RAPGEF5: variants seen among roughly 807,000 people sequenced by gnomAD.
RAPGEF5 encodes the protein M-Ras-regulated GEF.
A neutral mutation model predicts 125.2 loss-of-function variants in RAPGEF5; 65 were observed. The ratio of observed to expected loss-of-function variants is 0.52; its 90% CI spans 0.43 to 0.64. RAPGEF5 has a LOEUF of 0.64. RAPGEF5 is among the 30% of genes least tolerant of loss of function. The pLI is 0.00. For synonymous variants in RAPGEF5, 391 were observed against 385.9 expected, an observed-to-expected ratio of 1.01 and a Z score of -0.16; for missense variants, 958 against 1,048.1, an observed-to-expected ratio of 0.91 and a Z score of 1.19.
chr7:22,270,528 T>C (rs552157426), intron 6 of RAPGEF5, among the ~76,000 whole-genome samples: 11 of 152,232 alleles, frequency 7.2e-5, no homozygotes, highest in Non-Finnish European at 1.6e-4. Flanking sequence ...TTGAGAAATG[T>C]ACCAAATGTA....
rs6956900 is a variant in RAPGEF5 at position 22,145,275 on chromosome 7, T to C, written c.2008-53A>G. 6,294 of 1,511,280 alleles carry C rather than the reference T, an allele frequency of 4.2e-3. 220 individuals carry two copies. In the African/African-American group the frequency reaches 0.078, roughly 19 times the overall value. 93.6% of individuals were successfully genotyped at this position (1,511,280 alleles called of 1,614,324 possible). On this transcript the variant is annotated intron_variant, in intron 19 of 25. Transcript: ENST00000665637. ...TTTATTTATAGCAAAGTATGGTTGA[T>C]ACAAAACTCGGTCAAATTTTAAGAG...
At chr7:22,212,928 A>T (rs949146685) in intron 9 of RAPGEF5, among the ~76,000 whole-genome samples, 8 of 152,232 alleles carry the variant, frequency 5.3e-5, no homozygotes, top group African/African-American at 1.9e-4. Flanking sequence ...ACCATATTGC[A>T]GATGATATGG....
At position 22,166,944 on chromosome 7, in the gene RAPGEF5, ATTAATAT is replaced by A. The variant is rs1784186191; in HGVS notation, c.1283+119_1283+125del. On this transcript the variant is annotated intron_variant, in intron 12 of 25. Coordinates refer to ENST00000665637, the MANE Select transcript of RAPGEF5 (RefSeq NM_012294.5). ...CATCTTCTACCTTGGATATCATTAC[ATTAATAT>A]TTAACATATCCACATTCTACTATGG... 1.1e-5 allele frequency: 8 copies of A among 745,326 alleles called. No homozygotes were observed. The South Asian group carries it at 1.5e-4, about 14-fold the overall frequency. 46.2% of individuals were successfully genotyped at this position (745,326 alleles called of 1,614,324 possible).
chr7:22,199,207 G>A (rs1785219517), intron 9 of RAPGEF5, among the ~76,000 whole-genome samples: 1 of 152,236 alleles, frequency 6.6e-6, no homozygotes, highest in Admixed American at 6.5e-5. Context: ...TGAATGCAGT[G>A]GTATGACCAC....
intron 13 of RAPGEF5, 128 bp from the exon 14 acceptor site, chr7:22,160,743 G>C: frequency 9.0e-7 from 1 of 1,108,150 alleles, no homozygotes; most frequent in African/African-American, 1.6e-5. Flanking sequence ...GTTTCACCAG[G>C]TGCCAATGAG....
chr7:22,213,048 G>A (rs1037377630), intron 9 of RAPGEF5, among the ~76,000 whole-genome samples: 4 of 152,144 alleles, frequency 2.6e-5, no homozygotes, highest in African/African-American at 9.7e-5. Context: ...CAAACAAACT[G>A]AGCCAGTATC....
rs574619238 is a variant in RAPGEF5, at chr7:22,351,565, G to T, written c.231+5265C>A. ...TCGGGCAAATTACACCTGTGTTTCA[G>T]TTTCTTCATCTGTGGAATGCAAATA... On this transcript the variant is annotated intron_variant, in intron 1 of 25. Coordinates refer to ENST00000665637, the MANE Select transcript of RAPGEF5 (RefSeq NM_012294.5). 2.7e-3 allele frequency among the ~76,000 whole-genome samples: 418 copies of T among 152,256 alleles called. 1 individual carries two copies. The highest frequency in any genetic ancestry group is 4.6e-3 in the Non-Finnish European group (316 of 68,026).
intron 2 of RAPGEF5, among the ~76,000 whole-genome samples, chr7:22,317,665 A>C (rs560361154): frequency 1.3e-5 from 2 of 152,372 alleles, no homozygotes; most frequent in South Asian, 4.1e-4. Flanking sequence ...CAGTGTTTTT[A>C]ACAATAGCTA....
At chr7:22,199,286 C>T (rs1403534036) in intron 9 of RAPGEF5, among the ~76,000 whole-genome samples, 3 of 151,972 alleles carry the variant, frequency 2.0e-5, no homozygotes, top group Non-Finnish European at 4.4e-5. Context: ...CAACCAGACC[C>T]GAATCAGTGA....
At chr7:22,145,689 C>G in intron 19 of RAPGEF5, among the ~76,000 whole-genome samples, 1 of 152,270 alleles carries the variant, frequency 6.6e-6, no homozygotes, top group African/African-American at 2.4e-5. Context: ...GCACAGATTG[C>G]TGGATCCCAC....
At chr7:22,223,739 G>A (rs1183624241) in intron 8 of RAPGEF5, among the ~76,000 whole-genome samples, 3 of 152,108 alleles carry the variant, frequency 2.0e-5, no homozygotes, top group Non-Finnish European at 2.9e-5. Flanking sequence ...ATGCAGGTAC[G>A]TTGGCATATT....
rs561402083 is a variant in RAPGEF5, at chr7:22,142,664, G to A, written c.2186+2380C>T. 2.6e-5 allele frequency among the ~76,000 whole-genome samples: 4 copies of A among 152,274 alleles called. No homozygotes were observed. In the South Asian group the frequency reaches 8.3e-4, roughly 32 times the overall value. ...CAGGCTGGAATCCTCTGTTAACGAGGGTCATTCATTCCACGATAAGAACAG... is the reference window on the plus strand; with the variant it reads ...CAGGCTGGAATCCTCTGTTAACGAGAGTCATTCATTCCACGATAAGAACAG... On this transcript the variant is annotated intron_variant, in intron 20 of 25. Transcript: ENST00000665637.
chr7:22,169,014 G>A (rs1310703618), intron 11 of RAPGEF5, among the ~76,000 whole-genome samples: 1 of 152,092 alleles, frequency 6.6e-6, no homozygotes, highest in Non-Finnish European at 1.5e-5. Context: ...TTACATTGTT[G>A]TATCACACTG....
At chr7:22,289,530 A>G (rs1208422753) in intron 6 of RAPGEF5, among the ~76,000 whole-genome samples, 1 of 152,268 alleles carries the variant, frequency 6.6e-6, no homozygotes, top group African/African-American at 2.4e-5. Context: ...CGTTTAACAC[A>G]GTTTCTGGCC....
At position 22,219,923 on chromosome 7, in the gene RAPGEF5, T is replaced by G. The variant is rs764762720; in HGVS notation, c.939A>C (p.Ala313=). Residue 313 remains alanine, a synonymous_variant, in exon 9 of 26, where the codon GCA becomes GCC. Transcript: ENST00000665637. ...TCTGCAAAAACTGATAGTTTTCTTT[T>G]GCCAGCTTCTGGACTAGTTCAATTC... ...IGRIELVQKL[A]KENYQFLQTD... The G allele has an allele frequency of 1.9e-6, 3 of 1,613,482 alleles. No homozygotes were observed. Among genetic ancestry groups the G allele is most frequent in the Admixed American group, 1.7e-5 (1 of 59,984 alleles).
chr7:22,267,558 G>A (rs1024942963), intron 6 of RAPGEF5, among the ~76,000 whole-genome samples: 1 of 151,898 alleles, frequency 6.6e-6, no homozygotes, highest in African/African-American at 2.4e-5. Flanking sequence ...CAATGCATAG[G>A]GCAGGTGAAA....
At chr7:22,172,089 T>C (rs1195973632) in intron 11 of RAPGEF5, among the ~76,000 whole-genome samples, 2 of 152,154 alleles carry the variant, frequency 1.3e-5, no homozygotes, top group South Asian at 2.1e-4. Context: ...TGATGTCATA[T>C]AGGACTTTTC....
chr7:22,325,709 T>A (rs1229953482), intron 1 of RAPGEF5, among the ~76,000 whole-genome samples: 1 of 152,090 alleles, frequency 6.6e-6, no homozygotes, highest in Non-Finnish European at 1.5e-5. Context: ...GGACTACAGG[T>A]GCACACCACC....
chr7:22,335,432 C>A (rs955936130), intron 1 of RAPGEF5, among the ~76,000 whole-genome samples: 1 of 152,166 alleles, frequency 6.6e-6, no homozygotes, highest in Non-Finnish European at 1.5e-5. Flanking sequence ...TCTCTTCCCA[C>A]AAGAGCTATC....
Sources: gnomAD v4.1 joint callset for allele counts (sites outside exome capture counted in the v4.1 genomes callset) on GRCh38, gnomAD v4.1.1 for gene constraint, MANE v1.5 for transcripts, NCBI Gene and HGNC (gene_info 2026-07-23, HGNC 2026-07-21) for gene names.